The following NTNG1 variants were observed in gnomAD, a reference collection of about 807,000 sequenced individuals.
NTNG1 encodes netrin-G1.
A neutral mutation model predicts 54.0 loss-of-function variants in NTNG1; 16 were observed. The ratio of observed to expected loss-of-function variants is 0.30; its 90% confidence interval spans 0.20 to 0.45. NTNG1 has a LOEUF of 0.45. NTNG1 is among the 20% of genes least tolerant of loss of function. The pLI, the probability that NTNG1 is intolerant of heterozygous loss-of-function variation, is 1.00. For missense variants in NTNG1, 530 were observed against 678.7 expected (o/e 0.78, Z 2.43); for synonymous variants, 255 against 263.1 (o/e 0.97, Z 0.30).
intron 2 of NTNG1, among the ~76,000 whole-genome samples, chr1:107,235,196 G>A (rs1570923180): frequency 6.6e-6 from 1 of 152,114 alleles, no homozygotes; most frequent in Non-Finnish European, 1.5e-5. Flanking sequence ...TGAGATTTCA[G>A]TTCTGACACG....
intron 2 of NTNG1, among the ~76,000 whole-genome samples, chr1:107,149,734 G>A (rs1654417626): frequency 6.6e-6 from 1 of 151,820 alleles, no homozygotes; most frequent in South Asian, 2.1e-4. Context: ...ACATTAATGT[G>A]CTAAAGAGTT....
chr1:107,324,819 C>G lies in NTNG1; in HGVS notation c.784C>G (p.Leu262Val). The G allele has an allele frequency of 6.2e-7, 1 of 1,613,516 alleles. No individual in the cohort carries two copies. Among genetic ancestry groups the G allele is most frequent in the Non-Finnish European group, 8.5e-7 (1 of 1,179,720 alleles). The change falls in exon 3 of 8, where the codon CTG becomes GTG. Residue 262 changes from leucine to valine, a missense_variant. Around this residue, in one of 2 missense-constraint regions of NTNG1, gnomAD observed 318 missense variants for 465.1 expected, o/e 0.68. Coordinates refer to ENST00000370068, the MANE Select transcript of NTNG1 (RefSeq NM_001113226.3). The stretch of plus-strand genomic sequence containing the variant: ...CAGAGATTTCTTTACAGTCACAGAC[C>G]TGAGGATAAGGCTGTTAAGACCAGC... ...KLRDFFTVTD[L>V]RIRLLRPAVG...
chr1:107,313,433 T>C (rs551782422), intron 2 of NTNG1, among the ~76,000 whole-genome samples: 5 of 152,298 alleles, frequency 3.3e-5, no homozygotes, highest in African/African-American at 1.2e-4. Flanking sequence ...AGATGATGTC[T>C]AATAAGTACT....
intron 2 of NTNG1, among the ~76,000 whole-genome samples, chr1:107,272,381 C>T (rs970705554): frequency 6.6e-6 from 1 of 152,038 alleles, no homozygotes; most frequent in African/African-American, 2.4e-5. Flanking sequence ...TGATTCTCTC[C>T]ATTTGCTCCA....
intron 3 of NTNG1, among the ~76,000 whole-genome samples, chr1:107,326,286 G>T (rs1377757166): frequency 6.6e-6 from 1 of 152,042 alleles, no homozygotes; most frequent in Non-Finnish European, 1.5e-5. Context: ...AGATCTTGGT[G>T]GTATATAACG....
chr1:107,274,383 G>A (rs1664337807), intron 2 of NTNG1, among the ~76,000 whole-genome samples: 1 of 152,206 alleles, frequency 6.6e-6, no homozygotes. Flanking sequence ...CTGCCTAAGA[G>A]CAGTAATAAC....
intron 2 of NTNG1, among the ~76,000 whole-genome samples, chr1:107,240,977 A>AT (rs929338368): frequency 2.0e-5 from 3 of 151,544 alleles, no homozygotes; most frequent in African/African-American, 4.8e-5. Flanking sequence ...ATCACTTCGG[A>AT]TTTTTTTTTG....
intron 1 of NTNG1, among the ~76,000 whole-genome samples, chr1:107,145,824 T>C (rs1265792737): frequency 1.3e-5 from 2 of 152,104 alleles, no homozygotes; most frequent in African/African-American, 4.8e-5. Context: ...AATGGTGTAG[T>C]CCATAATTCT....
At chr1:107,188,673 G>C (rs1657657157) in intron 2 of NTNG1, among the ~76,000 whole-genome samples, 1 of 152,070 alleles carries the variant, frequency 6.6e-6, no homozygotes, top group Non-Finnish European at 1.5e-5. Context: ...CTCTGTTGGA[G>C]ACAAAAACAT....
chr1:107,426,510 C>A (rs1466128764), intron 5 of NTNG1, among the ~76,000 whole-genome samples: 1 of 152,124 alleles, frequency 6.6e-6, no homozygotes. Context: ...ATTCTCTATT[C>A]TCTTCCATTG....
rs528128155 is a variant in NTNG1 at position 107,151,225 on chromosome 1, T to C, written c.246+2386T>C. 5.6e-4 allele frequency among the ~76,000 whole-genome samples: 86 copies of C among 152,306 alleles called. 1 individual carries two copies. The highest frequency in any genetic ancestry group is 6.8e-3 in the Middle Eastern group (2 of 294). ...TGCATATTATATACCACGTCAATGGTAATGGCCTAATACAGCAACACATTC... is the reference window on the plus strand; with the variant it reads ...TGCATATTATATACCACGTCAATGGCAATGGCCTAATACAGCAACACATTC... On this transcript the variant is annotated intron_variant, in intron 2 of 7. Transcript: ENST00000370068.
At chr1:107,432,674 A>T (rs1675344934) in intron 6 of NTNG1, among the ~76,000 whole-genome samples, 1 of 152,166 alleles carries the variant, frequency 6.6e-6, no homozygotes. Flanking sequence ...AGAAAAACTA[A>T]AATAAATAGG....
At chr1:107,447,004 T>C (rs1676345331) in intron 7 of NTNG1, among the ~76,000 whole-genome samples, 1 of 152,112 alleles carries the variant, frequency 6.6e-6, no homozygotes. Flanking sequence ...ACAGAAACAA[T>C]TGCTAAGATA....
intron 2 of NTNG1, among the ~76,000 whole-genome samples, chr1:107,321,539 C>G (rs757716182): frequency 1.3e-5 from 2 of 151,892 alleles, no homozygotes; most frequent in Non-Finnish European, 2.9e-5. Context: ...TTTACAATAT[C>G]CAGTGATACA....
At chr1:107,170,178 C>T (rs1016147653) in intron 2 of NTNG1, among the ~76,000 whole-genome samples, 1 of 152,080 alleles carries the variant, frequency 6.6e-6, no homozygotes, top group Non-Finnish European at 1.5e-5. Flanking sequence ...AAGACCATCA[C>T]CTCTACTTTT....
chr1:107,463,218 A>C (rs1244193476), intron 7 of NTNG1, among the ~76,000 whole-genome samples: 1 of 152,258 alleles, frequency 6.6e-6, no homozygotes, highest in African/African-American at 2.4e-5. Context: ...CATCATCAAC[A>C]TGAATTCGTT....
chr1:107,461,257 G>A (rs1029178099), intron 7 of NTNG1, among the ~76,000 whole-genome samples: 1 of 152,178 alleles, frequency 6.6e-6, no homozygotes, highest in African/African-American at 2.4e-5. Context: ...GTCATTGAAG[G>A]TCTTTCTGAG....
intron 2 of NTNG1, among the ~76,000 whole-genome samples, chr1:107,190,449 T>C (rs552697020): frequency 2.4e-4 from 37 of 152,310 alleles, no homozygotes; most frequent in African/African-American, 7.5e-4. Flanking sequence ...TATTATACTT[T>C]AAGTTTTAGG....
chr1:107,206,562 C>T (rs549198425), intron 2 of NTNG1, among the ~76,000 whole-genome samples: 3 of 152,260 alleles, frequency 2.0e-5, no homozygotes, highest in African/African-American at 7.2e-5. Context: ...ATGTGCCTTT[C>T]ACCCAGTGTT....
Sources: gnomAD v4.1 joint callset for allele counts (sites outside exome capture counted in the v4.1 genomes callset) on GRCh38, gnomAD v4.1.1 for gene constraint, gnomAD v4.1.1 regional missense constraint, MANE v1.5 for transcripts, NCBI Gene and HGNC (gene_info 2026-07-23, HGNC 2026-07-21) for gene names.